The following SUMF2 variants were observed in gnomAD, a reference collection of about 807,000 sequenced individuals.
The protein encoded by SUMF2 is inactive C-alpha-formylglycine-generating enzyme 2.
In SUMF2, 45 loss-of-function variants were observed where a neutral mutation model predicts 44.8. The observed-to-expected ratio is 1.00, with a 90% CI of 0.79 to 1.29. The LOEUF (loss-of-function observed/expected upper bound fraction) is 1.29. SUMF2 is among the 50% of genes most tolerant of loss of function. The probability of loss-of-function intolerance (pLI) is 0.00; values close to 1 mark genes in which losing one functional copy is unlikely to be tolerated. For synonymous variants in SUMF2, 148 were observed against 150.4 expected, an observed-to-expected ratio of 0.98 and a Z score of 0.12; for missense variants, 418 against 389.9, an observed-to-expected ratio of 1.07 and a Z score of -0.61.
chr7:56,073,987 C>G, intron 3 of SUMF2, 187 bp from the exon 4 acceptor site: 1 of 606,052 alleles, frequency 1.7e-6, no homozygotes, highest in Non-Finnish European at 2.9e-6. Flanking sequence ...TGCACTCTAG[C>G]CTGAGTGACA....
At chr7:56,074,916 A>G in intron 5 of SUMF2, 180 bp downstream of exon 5, 1 of 672,136 alleles carries the variant, frequency 1.5e-6, no homozygotes, top group Non-Finnish European at 2.4e-6. Flanking sequence ...TGGGCAATAT[A>G]GGGAGACCCT....
chr7:56,077,518 G>A (rs1795643534), intron 6 of SUMF2, among the ~76,000 whole-genome samples: 1 of 151,258 alleles, frequency 6.6e-6, no homozygotes, highest in South Asian at 2.1e-4. Context: ...AAGATGAGCT[G>A]GGCATGGTGG....
rs369979890 is a variant in SUMF2 at position 56,078,975 on chromosome 7, C to T, written c.821+467C>T. 139 of 625,008 alleles carry T rather than the reference C, an allele frequency of 2.2e-4. 1 individual carries two copies. In the East Asian group the frequency reaches 3.9e-3, roughly 17 times the overall value. 38.7% of individuals were successfully genotyped at this position (625,008 alleles called of 1,614,324 possible). On this transcript the variant is annotated intron_variant, in intron 8 of 8. Transcript: ENST00000434526. Reference sequence around the variant, plus strand: ...GCAGTGGCACAGTCTCAGCTCACTACAGCCTCAAACTGCCAGGCTCTAGCG... The same window carrying T: ...GCAGTGGCACAGTCTCAGCTCACTATAGCCTCAAACTGCCAGGCTCTAGCG...
At position 56,080,313 on chromosome 7, in the gene SUMF2, T is replaced by A. The variant is rs1056146363; in HGVS notation, c.*701T>A. The A allele has an allele frequency of 1.3e-5, 2 of 153,898 alleles. No individual in the cohort carries two copies. Among genetic ancestry groups the A allele is most frequent in the Admixed American group, 1.3e-4 (2 of 15,180 alleles). The allele number at this position is 153,898 out of a possible 1,614,324, so 9.5% of individuals were successfully genotyped here. ...CAGGGTCTTTCTCTGTTGCCCAGGC[T>A]AGAGTGCACTGGTGATCACGGCTCA... On this transcript the variant is annotated 3_prime_UTR_variant, in exon 9 of 9. Coordinates refer to ENST00000434526, the MANE Select transcript of SUMF2 (RefSeq NM_015411.4).
At chr7:56,076,963 C>T (rs62457286) in intron 6 of SUMF2, 74 bp downstream of exon 6, 152,705 of 1,442,142 alleles carry the variant, frequency 0.11, 9,017 homozygotes, top group Admixed American at 0.17. Flanking sequence ...GTTGTTAGGC[C>T]GCGGCATCCA....
Position 56,079,838 on chromosome 7 carries a change from C to T in SUMF2, c.*226C>T, listed in dbSNP as rs1426683798. ...AATGTGTGTTGACGATGGCTGGGGG[C>T]CAGGTGTTTCTGTTAGAGGCCAAGT... On this transcript the variant is annotated 3_prime_UTR_variant, in exon 9 of 9. Transcript: ENST00000434526. 1.3e-6 allele frequency: 2 copies of T among 1,550,778 alleles called. No individual in the cohort carries two copies. Among genetic ancestry groups the T allele is most frequent in the Non-Finnish European group, 1.7e-6 (2 of 1,146,416 alleles).
In SUMF2 at chr7:56,078,594, C is replaced by G. The variant is rs778837650; in HGVS notation, c.821+86C>G. Reference sequence around the variant, plus strand: ...CGGTCCCAGAGTGTCCCTACCTTCACACCACCAACCGTCTGTGTGTGATGA... The same window carrying G: ...CGGTCCCAGAGTGTCCCTACCTTCAGACCACCAACCGTCTGTGTGTGATGA... On this transcript the variant is annotated intron_variant, in intron 8 of 8. Transcript: ENST00000434526. The G allele has an allele frequency of 4.3e-6, 6 of 1,401,162 alleles. No individual in the cohort carries two copies. In the African/African-American group the frequency reaches 8.7e-5, roughly 20 times the overall value. 86.8% of individuals were successfully genotyped at this position (1,401,162 alleles called of 1,614,324 possible).
Position 56,074,581 on chromosome 7 carries a change from G to C in SUMF2, c.385-5G>C, listed in dbSNP as rs1348211662. The C allele has an allele frequency of 6.2e-7, 1 of 1,613,818 alleles. No homozygotes were observed. Reference sequence around the variant, plus strand: ...AAGCCTGTCTCACTTAATCCTGGCTGTCAGCCTGCAGGTCCTGGCTCTGGC... The same window carrying C: ...AAGCCTGTCTCACTTAATCCTGGCTCTCAGCCTGCAGGTCCTGGCTCTGGC... On this transcript the variant is annotated splice_region_variant and splice_polypyrimidine_tract_variant and intron_variant, in intron 4 of 8. Coordinates refer to ENST00000434526, the MANE Select transcript of SUMF2 (RefSeq NM_015411.4).
intron 2 of SUMF2, among the ~76,000 whole-genome samples, chr7:56,069,854 G>A (rs1263904524): frequency 6.6e-6 from 1 of 152,052 alleles, no homozygotes; most frequent in Non-Finnish European, 1.5e-5. Context: ...AAAATGCTGG[G>A]ATTATAGGTG....
chr7:56,074,090 T>C, intron 3 of SUMF2, 84 bp from the exon 4 acceptor site: 2 of 1,201,702 alleles, frequency 1.7e-6, no homozygotes, highest in Non-Finnish European at 2.5e-6. Flanking sequence ...GCCTGACGTC[T>C]CTGTTCTGCG....
intron 2 of SUMF2, among the ~76,000 whole-genome samples, chr7:56,069,907 GTATT>G (rs922091851): frequency 2.6e-5 from 4 of 151,840 alleles, no homozygotes; most frequent in Middle Eastern, 3.4e-3. Context: ...TTATTTATTT[GTATT>G]TATTTATTTA....
rs200514891 is a variant in SUMF2, at chr7:56,066,055, G to C, written c.67+1677G>C. ...GAGATCGGGCCACTGCACTCTGACC[G>C]GGACAACAGAGCAAGGCTCCGCCTC... On this transcript the variant is annotated intron_variant, in intron 1 of 8. Transcript: ENST00000434526. 1.4e-4 allele frequency among the ~76,000 whole-genome samples: 20 copies of C among 141,342 alleles called. No individual in the cohort carries two copies. In the East Asian group the frequency reaches 3.7e-3, roughly 26 times the overall value. 92.7% of individuals were successfully genotyped at this position (141,342 alleles called of 152,430 possible).
chr7:56,079,822 T>G lies in SUMF2; in HGVS notation c.*210T>G, dbSNP rs751395995. The G allele has an allele frequency of 2.6e-6, 4 of 1,551,908 alleles. No homozygotes were observed. Among genetic ancestry groups the G allele is most frequent in the Admixed American group, 3.9e-5 (2 of 50,984 alleles). The stretch of plus-strand genomic sequence containing the variant: ...TTTGGAGAAGGGGCCCAATGTGTGT[T>G]GACGATGGCTGGGGGCCAGGTGTTT... On this transcript the variant is annotated 3_prime_UTR_variant, in exon 9 of 9. Coordinates refer to ENST00000434526, the MANE Select transcript of SUMF2 (RefSeq NM_015411.4).
At chr7:56,079,101 TG>T in intron 8 of SUMF2, 2 of 505,620 alleles carry the variant, frequency 4.0e-6, no homozygotes, top group South Asian at 3.4e-5. Flanking sequence ...CTCATACTCC[TG>T]GACTCAAGCA....
the SUMF2 span, among the ~76,000 whole-genome samples, chr7:56,086,653 C>T: frequency 1.3e-5 from 2 of 152,064 alleles, no homozygotes; most frequent in Admixed American, 6.6e-5. Context: ...GCTGGGATTA[C>T]GGTTGTGAGC....
chr7:56,072,752 A>C (rs1795261286), intron 2 of SUMF2, among the ~76,000 whole-genome samples: 1 of 151,616 alleles, frequency 6.6e-6, no homozygotes, highest in Non-Finnish European at 1.5e-5. Flanking sequence ...ACAAACAAAT[A>C]AAATAAAAAA....
At chr7:56,072,147 C>T (rs1006730374) in intron 2 of SUMF2, among the ~76,000 whole-genome samples, 15 of 148,592 alleles carry the variant, frequency 1.0e-4, no homozygotes, top group African/African-American at 3.5e-4. Flanking sequence ...AAATATTGGC[C>T]AAGTGTTGTG....
intron 5 of SUMF2, among the ~76,000 whole-genome samples, chr7:56,076,235 C>G (rs1309283886): frequency 1.3e-5 from 2 of 152,128 alleles, no homozygotes; most frequent in Non-Finnish European, 1.5e-5. Context: ...ACCGTGTTAG[C>G]CAGGATGATC....
intron 5 of SUMF2, among the ~76,000 whole-genome samples, chr7:56,075,129 G>T (rs974416573): frequency 1.3e-5 from 2 of 151,882 alleles, no homozygotes; most frequent in Non-Finnish European, 2.9e-5. Context: ...GGGCAGGAAG[G>T]GTCTGTGTTC....
Sources: gnomAD v4.1 joint callset for allele counts (sites outside exome capture counted in the v4.1 genomes callset) on GRCh38, gnomAD v4.1.1 for gene constraint, MANE v1.5 for transcripts, NCBI Gene and HGNC (gene_info 2026-07-23, HGNC 2026-07-21) for gene names.